Variants in POU2F1 observed in about 807,000 individuals in gnomAD.
POU2F1 encodes the protein POU class 2 homeobox 1.
In POU2F1, 16 loss-of-function variants were observed where a neutral mutation model predicts 84.9. The ratio of observed to expected loss-of-function variants is 0.19; its 90% confidence interval spans 0.13 to 0.29. The LOEUF (loss-of-function observed/expected upper bound fraction) is 0.29, where lower values mean the gene tolerates loss of function less well. Among genes scored for constraint, POU2F1 ranks in the 10% least tolerant of loss-of-function variants. The pLI, the probability that POU2F1 is intolerant of heterozygous loss-of-function variation, is 1.00. For missense variants in POU2F1, 738 were observed against 942.6 expected, an observed-to-expected ratio of 0.78 and a Z score of 2.84; for synonymous variants, 368 against 368.3, an observed-to-expected ratio of 1.00 and a Z score of 0.01.
At chr1:167,337,540 G>T (rs1657552030) in intron 2 of POU2F1, among the ~76,000 whole-genome samples, 1 of 152,044 alleles carries the variant, frequency 6.6e-6, no homozygotes, top group African/African-American at 2.4e-5. Context: ...AAAATGTCAG[G>T]ATAACGGAAG....
At chr1:167,294,680 A>G (rs1279761697) in intron 1 of POU2F1, among the ~76,000 whole-genome samples, 1 of 152,234 alleles carries the variant, frequency 6.6e-6, no homozygotes, top group Non-Finnish European at 1.5e-5. Flanking sequence ...GCTTGGAATC[A>G]TTAGTCATCA....
chr1:167,374,618 A>G (rs918886366), intron 6 of POU2F1, among the ~76,000 whole-genome samples: 72 of 152,190 alleles, frequency 4.7e-4, no homozygotes, highest in Non-Finnish European at 4.4e-4. Context: ...TACAGCAGAC[A>G]TGGATTTTTT....
intron 1 of POU2F1, among the ~76,000 whole-genome samples, chr1:167,283,692 T>C (rs970544913): frequency 6.6e-6 from 1 of 152,178 alleles, no homozygotes; most frequent in African/African-American, 2.4e-5. Context: ...GTTTGAGAAG[T>C]TGGACACAAG....
At chr1:167,385,709 G>A (rs763497278) in intron 8 of POU2F1, among the ~76,000 whole-genome samples, 20 of 152,166 alleles carry the variant, frequency 1.3e-4, no homozygotes, top group Non-Finnish European at 2.5e-4. Context: ...AAATCTTTGT[G>A]TCCTTGGGTT....
chr1:167,307,868 A>G (rs192640711), intron 1 of POU2F1, among the ~76,000 whole-genome samples: 11 of 152,316 alleles, frequency 7.2e-5, no homozygotes, highest in East Asian at 1.9e-4. Context: ...TCAATCTGGA[A>G]TAGTTCCATA....
intron 1 of POU2F1, among the ~76,000 whole-genome samples, chr1:167,242,800 G>A (rs540779876): frequency 6.6e-6 from 1 of 152,194 alleles, no homozygotes; most frequent in African/African-American, 2.4e-5. Flanking sequence ...TTCAGATACA[G>A]TGATGTGTTT....
At chr1:167,285,290 T>C (rs1653440644) in intron 1 of POU2F1, among the ~76,000 whole-genome samples, 1 of 152,212 alleles carries the variant, frequency 6.6e-6, no homozygotes, top group Admixed American at 6.5e-5. Context: ...AAAATGGCGA[T>C]ATGTACTTTA....
At chr1:167,226,416 G>A (rs186959765) in intron 1 of POU2F1, among the ~76,000 whole-genome samples, 1 of 152,174 alleles carries the variant, frequency 6.6e-6, no homozygotes, top group Non-Finnish European at 1.5e-5. Context: ...GGACATTTTT[G>A]TGCATTATTG....
At chr1:167,398,174 TGTA>T in intron 11 of POU2F1, 41 bp downstream of exon 11, 1 of 1,602,002 alleles carries the variant, frequency 6.2e-7, no homozygotes, top group Non-Finnish European at 8.5e-7. Flanking sequence ...GGATTGTCTG[TGTA>T]GTACTTAACA....
At position 167,421,795 on chromosome 1, in the gene POU2F1, ATAAT is replaced by A. The variant is rs1446228562; in HGVS notation, c.*5987_*5990del. On this transcript the variant is annotated 3_prime_UTR_variant, in exon 16 of 16. Coordinates refer to ENST00000367866, the MANE Select transcript of POU2F1 (RefSeq NM_002697.4). ...TGAAAAAATTTTATAAATAGTGGAA[ATAAT>A]TCTAGCTGTAGCATTTAGTTGAACT... is the stretch of plus-strand genomic sequence containing the variant. The A allele has an allele frequency of 1.3e-5, 2 of 152,004 alleles. No homozygotes were observed. Among genetic ancestry groups the A allele is most frequent in the East Asian group, 3.9e-4 (2 of 5,176 alleles). The allele number at this position is 152,004 out of a possible 1,614,324, so 9.4% of individuals were successfully genotyped here.
At chr1:167,350,556 A>T (rs1176650161) in intron 2 of POU2F1, among the ~76,000 whole-genome samples, 2 of 151,902 alleles carry the variant, frequency 1.3e-5, no homozygotes, top group African/African-American at 4.8e-5. Context: ...CTTCAGATGT[A>T]GCTAGGTCCT....
intron 1 of POU2F1, among the ~76,000 whole-genome samples, chr1:167,251,271 C>A (rs995785654): frequency 1.3e-5 from 2 of 152,030 alleles, no homozygotes; most frequent in Admixed American, 6.6e-5. Context: ...TGGTAGCAAG[C>A]GCCTGTGGTC....
At chr1:167,387,100 T>A in intron 8 of POU2F1, 1 of 453,550 alleles carries the variant, frequency 2.2e-6, no homozygotes, top group South Asian at 1.6e-5. Flanking sequence ...CTTCCTGGCC[T>A]CCGTTCTCTG....
At chr1:167,368,232 C>G (rs1188779043) in intron 3 of POU2F1, among the ~76,000 whole-genome samples, 1 of 151,948 alleles carries the variant, frequency 6.6e-6, no homozygotes, top group Non-Finnish European at 1.5e-5. Flanking sequence ...TAGAGGCCAG[C>G]TGTTTGATAG....
At position 167,399,244 on chromosome 1, in the gene POU2F1, A is replaced by G; in HGVS notation, c.1328A>G (p.Lys443Arg). The change falls in exon 12 of 16, where the codon AAA (lysine) becomes AGA (arginine). Residue 443 changes from lysine (K) to arginine (R), a missense_variant. By Grantham distance (26) the Lys-to-Arg change is conservative (BLOSUM62 2). Around this residue, in one of 4 missense-constraint regions of POU2F1, gnomAD observed 95 missense variants for 195.1 expected, o/e 0.49. Transcript: ENST00000367866. ...ATTGCTGATCAGCTCAATATGGAAA[A>G]AGAGGTGATTCGTGTTTGGTTCTGT... ...TMIADQLNME[K>R]EVIRVWFCNR... 6.2e-7 allele frequency: 1 copy of G among 1,614,004 alleles called. No homozygotes were observed. The highest frequency in any genetic ancestry group is 8.5e-7 in the Non-Finnish European group (1 of 1,179,960).
At chr1:167,317,366 T>C (rs1034904780) in intron 1 of POU2F1, among the ~76,000 whole-genome samples, 1 of 152,220 alleles carries the variant, frequency 6.6e-6, no homozygotes, top group African/African-American at 2.4e-5. Flanking sequence ...AACTTGTCCT[T>C]GTCGAGACCA....
intron 1 of POU2F1, among the ~76,000 whole-genome samples, chr1:167,226,077 G>A (rs562407816): frequency 5.4e-4 from 83 of 152,316 alleles, no homozygotes; most frequent in African/African-American, 1.9e-3. Flanking sequence ...AACAGACCAA[G>A]TCACAAACAA....
intron 2 of POU2F1, among the ~76,000 whole-genome samples, chr1:167,358,930 T>C (rs953324940): frequency 6.6e-6 from 1 of 151,980 alleles, no homozygotes; most frequent in Non-Finnish European, 1.5e-5. Context: ...TCTTGTTCCA[T>C]CTTACCAGAA....
intron 1 of POU2F1, among the ~76,000 whole-genome samples, chr1:167,240,301 CTTCT>C (rs1453064421): frequency 6.6e-6 from 1 of 152,112 alleles, no homozygotes; most frequent in Non-Finnish European, 1.5e-5. Flanking sequence ...AAGACAGAAC[CTTCT>C]TTAAGTCCGA....
Sources: allele counts gnomAD v4.1 joint callset (sites outside exome capture counted in the v4.1 genomes callset), GRCh38; gene constraint gnomAD v4.1.1; regional missense constraint gnomAD v4.1.1; transcripts MANE v1.5; gene names NCBI Gene and HGNC (gene_info 2026-07-23, HGNC 2026-07-21).